The following RIMS2 variants were observed in gnomAD, a reference collection of about 807,000 sequenced individuals.
RIMS2 encodes regulating synaptic membrane exocytosis 2, also known as regulating synaptic membrane exocytosis protein 2.
Under a neutral mutation model 174.4 loss-of-function variants are expected in RIMS2, and 59 were observed. The observed-to-expected ratio is 0.34, with a 90% confidence interval of 0.27 to 0.42. The LOEUF is 0.42. Ranked by LOEUF, RIMS2 falls within the 10% of genes least tolerant of loss-of-function variation. The pLI, the probability that RIMS2 is intolerant of heterozygous loss-of-function variation, is 1.00. For synonymous variants in RIMS2, 606 were observed against 572.5 expected (o/e 1.06, Z -0.84); for missense variants, 1,620 against 1,666.3 (o/e 0.97, Z 0.48).
intron 19 of RIMS2, among the ~76,000 whole-genome samples, chr8:104,231,518 A>G (rs1342605109): frequency 6.6e-6 from 1 of 152,180 alleles, no homozygotes; most frequent in Admixed American, 6.6e-5. Context: ...AGCTGGGCTC[A>G]TATTCCATCT....
At chr8:104,247,265 T>C (rs2099339648) in intron 20 of RIMS2, among the ~76,000 whole-genome samples, 1 of 152,226 alleles carries the variant, frequency 6.6e-6, no homozygotes, top group Non-Finnish European at 1.5e-5. Flanking sequence ...GAATCTATTT[T>C]CTCACAGATC....
At chr8:103,655,507 G>A (rs1356924012) in intron 1 of RIMS2, among the ~76,000 whole-genome samples, 1 of 151,694 alleles carries the variant, frequency 6.6e-6, no homozygotes, top group Non-Finnish European at 1.5e-5. Context: ...CTAATCAATT[G>A]GATTACTTTA....
chr8:103,844,327 C>T (rs2098956639), intron 3 of RIMS2, among the ~76,000 whole-genome samples: 1 of 152,112 alleles, frequency 6.6e-6, no homozygotes, highest in Non-Finnish European at 1.5e-5. Context: ...GCTTAGCAGC[C>T]TCTAGTCCCT....
At chr8:104,038,234 CTT>C (rs1416662938) in intron 19 of RIMS2, among the ~76,000 whole-genome samples, 1 of 151,734 alleles carries the variant, frequency 6.6e-6, no homozygotes, top group Admixed American at 6.6e-5. Context: ...TTTTATATAT[CTT>C]TTATTTCATT....
chr8:104,020,658 G>T (rs546506668), intron 19 of RIMS2, among the ~76,000 whole-genome samples: 1 of 151,786 alleles, frequency 6.6e-6, no homozygotes. Context: ...CAAAATCACA[G>T]CATGGATATT....
At chr8:104,187,073 A>T (rs1038588048) in intron 19 of RIMS2, among the ~76,000 whole-genome samples, 1 of 151,790 alleles carries the variant, frequency 6.6e-6, no homozygotes, top group Non-Finnish European at 1.5e-5. Context: ...CTAGTCTCAA[A>T]TCTCAAGTTA....
At chr8:103,656,876 G>C (rs942879819) in intron 1 of RIMS2, among the ~76,000 whole-genome samples, 1 of 152,160 alleles carries the variant, frequency 6.6e-6, no homozygotes, top group Non-Finnish European at 1.5e-5. Context: ...CCTAGCCTTA[G>C]GGAAGCCCCC....
chr8:103,865,970 C>T (rs553248436), intron 3 of RIMS2, among the ~76,000 whole-genome samples: 1 of 152,184 alleles, frequency 6.6e-6, no homozygotes, highest in East Asian at 1.9e-4. Flanking sequence ...TTCACTTGCC[C>T]TTCAGTACAT....
chr8:104,187,386 G>T (rs1179184864), intron 19 of RIMS2, among the ~76,000 whole-genome samples: 2 of 151,790 alleles, frequency 1.3e-5, no homozygotes, highest in Non-Finnish European at 2.9e-5. Context: ...AAGCAACATA[G>T]TGATGTGACA....
chr8:103,738,555 T>C (rs2139227490), intron 2 of RIMS2, among the ~76,000 whole-genome samples: 1 of 152,158 alleles, frequency 6.6e-6, no homozygotes, highest in Non-Finnish European at 1.5e-5. Flanking sequence ...ACTAAAGAGC[T>C]TCTGCACAGC....
At chr8:103,735,199 T>C (rs2139083663) in intron 2 of RIMS2, among the ~76,000 whole-genome samples, 1 of 152,268 alleles carries the variant, frequency 6.6e-6, no homozygotes, top group South Asian at 2.1e-4. Context: ...ATTATTTTGG[T>C]TTTTAGTTCA....
intron 3 of RIMS2, among the ~76,000 whole-genome samples, chr8:103,869,536 TG>T (rs2099100448): frequency 6.6e-6 from 1 of 152,030 alleles, no homozygotes; most frequent in South Asian, 2.1e-4. Context: ...TTGGCCAGGC[TG>T]GTCTGCAACT....
chr8:104,027,051 T>G (rs2096271796), intron 19 of RIMS2, among the ~76,000 whole-genome samples: 1 of 152,170 alleles, frequency 6.6e-6, no homozygotes, highest in African/African-American at 2.4e-5. Context: ...TCATATGTTT[T>G]TGAGCAGGAT....
intron 3 of RIMS2, among the ~76,000 whole-genome samples, chr8:103,821,000 A>T (rs2098748578): frequency 1.3e-5 from 2 of 151,480 alleles, no homozygotes; most frequent in Non-Finnish European, 3.0e-5. Context: ...ATTTGTACTC[A>T]TCCTTTATAA....
At chr8:103,638,342 T>A (rs1344888268) in intron 1 of RIMS2, among the ~76,000 whole-genome samples, 1 of 152,122 alleles carries the variant, frequency 6.6e-6, no homozygotes, top group African/African-American at 2.4e-5. Context: ...TTAGCATATA[T>A]CAGTGGATCT....
Position 103,698,486 on chromosome 8 carries a change from T to A in RIMS2, c.387+1190T>A, listed in dbSNP as rs187414744. Among the ~76,000 whole-genome samples, 58 of 152,348 alleles carry A rather than the reference T, an allele frequency of 3.8e-4. 1 individual carries two copies. Among genetic ancestry groups the A allele is most frequent in the Admixed American group, 1.0e-3 (16 of 15,300 alleles). ...GATTTTGCCAAATGTGTTTTCTCTA[T>A]CTGTTGAGATTAATCATATGTTTTT... is the stretch of plus-strand genomic sequence containing the variant. On this transcript the variant is annotated intron_variant, in intron 2 of 23. Coordinates refer to ENST00000504942, the Ensembl canonical transcript of RIMS2.
chr8:104,151,620 G>A (rs1040225272), intron 19 of RIMS2, among the ~76,000 whole-genome samples: 20 of 152,078 alleles, frequency 1.3e-4, no homozygotes, highest in Non-Finnish European at 8.8e-5. Flanking sequence ...AAGAGGAAGA[G>A]GGATGAGTCT....
intron 1 of RIMS2, among the ~76,000 whole-genome samples, chr8:103,528,814 G>T (rs983008367): frequency 1.3e-5 from 2 of 152,186 alleles, no homozygotes; most frequent in African/African-American, 4.8e-5. Context: ...ATAGTTTGAA[G>T]TCAGGTAGCC....
chr8:103,683,136 A>G (rs1011307053), intron 1 of RIMS2, among the ~76,000 whole-genome samples: 6 of 152,288 alleles, frequency 3.9e-5, no homozygotes, highest in East Asian at 3.9e-4. Context: ...TTTTAATGGA[A>G]TAGCTGAGGC....
Sources: allele counts gnomAD v4.1 joint callset (sites outside exome capture counted in the v4.1 genomes callset), GRCh38; gene constraint gnomAD v4.1.1; transcripts MANE v1.5; gene names NCBI Gene and HGNC (gene_info 2026-07-23, HGNC 2026-07-21).